USP47: variants seen among roughly 807,000 people sequenced by gnomAD.
USP47 encodes the protein ubiquitin specific peptidase 47.
In USP47, 35 loss-of-function variants were observed where a neutral mutation model predicts 165.1. That is an observed-to-expected ratio of 0.21 (90% CI 0.16 to 0.28). The LOEUF is 0.28. Ranked by LOEUF, USP47 falls within the 10% of genes least tolerant of loss-of-function variation. The pLI, the probability that USP47 is intolerant of heterozygous loss-of-function variation, is 1.00. For missense variants in USP47, 1,277 were observed against 1,607.4 expected, an observed-to-expected ratio of 0.79 and a Z score of 3.52; for synonymous variants, 531 against 544.5, an observed-to-expected ratio of 0.98 and a Z score of 0.35.
chr11:11,924,271 A>G (rs1854078305), intron 11 of USP47, among the ~76,000 whole-genome samples: 1 of 152,236 alleles, frequency 6.6e-6, no homozygotes, highest in South Asian at 2.1e-4. Context: ...AATTACATAG[A>G]TTGATTTTCA....
chr11:11,902,680 T>G (rs2134451243), intron 5 of USP47, 35 bp from the exon 6 acceptor site: 1 of 1,343,962 alleles, frequency 7.4e-7, no homozygotes, highest in South Asian at 1.9e-5. Flanking sequence ...ATAAAATCAT[T>G]TTATAAATAC....
intron 1 of USP47, among the ~76,000 whole-genome samples, chr11:11,864,105 A>G (rs781543307): frequency 6.6e-6 from 1 of 152,042 alleles, no homozygotes; most frequent in Non-Finnish European, 1.5e-5. Context: ...TTTTATATCT[A>G]TTTCTCTCTA....
In USP47 at chr11:11,956,136, T is replaced by A. The variant is rs773592365; in HGVS notation, c.4029T>A (p.Tyr1343Ter). 1 of 1,613,808 alleles carries A rather than the reference T, an allele frequency of 6.2e-7. No homozygotes were observed. Among genetic ancestry groups the A allele is most frequent in the African/African-American group, 1.3e-5 (1 of 74,904 alleles). ...GTAAAGAGAAAGCACTAAAAATATATCTGGATGGAGCACCAAATAAAGATC... is the reference window on the plus strand; with the variant it reads ...GTAAAGAGAAAGCACTAAAAATATAACTGGATGGAGCACCAAATAAAGATC... Reference protein sequence around the residue: ...SPRKEKALKIYLDGAPNKDLT... With the variant: ...SPRKEKALKI The change falls in exon 28 of 28, where the codon TAT (tyrosine) becomes TAA (stop). Residue 1343 changes from tyrosine (Y) to a stop codon, truncating the protein, a stop_gained. Coordinates refer to ENST00000527733, the MANE Select transcript of USP47 (RefSeq NM_001282659.2). LOFTEE classifies it high-confidence loss of function.
intron 8 of USP47, among the ~76,000 whole-genome samples, chr11:11,909,247 A>G (rs1852788966): frequency 2.6e-5 from 4 of 152,186 alleles, no homozygotes; most frequent in Non-Finnish European, 2.9e-5. Context: ...TGAAAAATTA[A>G]TATCAGCTGA....
intron 4 of USP47, 147 bp downstream of exon 4, chr11:11,892,253 G>C: frequency 1.3e-6 from 1 of 783,210 alleles, no homozygotes; most frequent in Non-Finnish European, 1.9e-6. Flanking sequence ...GTTAGAAGAA[G>C]TATGTGGTTT....
rs140937831 is a variant in USP47, at chr11:11,947,360, A to G, written c.3092-585A>G. Among the ~76,000 whole-genome samples the G allele has an allele frequency of 7.5e-3, 1,140 of 152,342 alleles. 19 individuals carry two copies. Among genetic ancestry groups the G allele is most frequent in the African/African-American group, 0.026 (1,095 of 41,576 alleles). ...ACAGCCCAACCACATGATAAATCAG[A>G]CATCTTAGTATGCCAGTCGTGACTT... On this transcript the variant is annotated intron_variant, in intron 20 of 27. Transcript: ENST00000527733.
intron 5 of USP47, among the ~76,000 whole-genome samples, chr11:11,900,232 C>T (rs1852124568): frequency 6.9e-6 from 1 of 145,108 alleles, no homozygotes; most frequent in South Asian, 2.2e-4. Flanking sequence ...GATCTCGGCT[C>T]ACTGCAGGCT....
intron 19 of USP47, among the ~76,000 whole-genome samples, chr11:11,940,807 C>T (rs563423285): frequency 3.0e-4 from 45 of 151,768 alleles, no homozygotes; most frequent in Middle Eastern, 3.4e-3. Context: ...TCCTCCTCTC[C>T]CTGCATTTTT....
intron 19 of USP47, 139 bp downstream of exon 19, chr11:11,940,687 C>A: frequency 1.1e-6 from 1 of 943,834 alleles, no homozygotes; most frequent in Non-Finnish European, 1.5e-6. Context: ...CCAGTAATTA[C>A]CTTCCTTTGT....
chr11:11,953,713 G>A (rs899535238), intron 25 of USP47, among the ~76,000 whole-genome samples: 2 of 152,154 alleles, frequency 1.3e-5, no homozygotes, highest in Non-Finnish European at 2.9e-5. Flanking sequence ...TTTTAAGAAA[G>A]ACAGCATGAA....
intron 23 of USP47, 58 bp downstream of exon 23, chr11:11,950,062 T>G (rs1314118209): frequency 3.2e-6 from 4 of 1,245,322 alleles, no homozygotes; most frequent in South Asian, 1.3e-5. Context: ...TCAGTTGAAA[T>G]GGACTGGTAT....
chr11:11,856,743 AC>A (rs1849064150), intron 1 of USP47: 1 of 152,254 alleles, frequency 6.6e-6, no homozygotes, highest in South Asian at 2.1e-4. Flanking sequence ...GAGCCACAGT[AC>A]AAGGCTTATA....
At chr11:11,925,275 T>G (rs576733650) in intron 11 of USP47, among the ~76,000 whole-genome samples, 1 of 151,976 alleles carries the variant, frequency 6.6e-6, no homozygotes, top group Non-Finnish European at 1.5e-5. Context: ...GCCCAGCTAA[T>G]TTTTTTGTAT....
At chr11:11,927,438 G>A (rs182907781) in intron 11 of USP47, among the ~76,000 whole-genome samples, 4 of 152,198 alleles carry the variant, frequency 2.6e-5, no homozygotes, top group Admixed American at 2.0e-4. Flanking sequence ...TACATATTAT[G>A]TATGTCTGGT....
intron 14 of USP47, 30 bp from the exon 15 acceptor site, chr11:11,932,974 A>G (rs1422400192): frequency 1.3e-6 from 2 of 1,568,364 alleles, no homozygotes; most frequent in Admixed American, 3.4e-5. Flanking sequence ...TTTCAGTGAC[A>G]CTGTCTTATC....
intron 19 of USP47, among the ~76,000 whole-genome samples, chr11:11,941,627 G>A (rs192690789): frequency 1.4e-4 from 21 of 151,792 alleles, no homozygotes; most frequent in Admixed American, 3.3e-4. Flanking sequence ...CACCTACTTC[G>A]CCCAGATTAT....
At chr11:11,895,585 G>A (rs1331215073) in intron 4 of USP47, among the ~76,000 whole-genome samples, 2 of 152,114 alleles carry the variant, frequency 1.3e-5, no homozygotes, top group African/African-American at 4.8e-5. Flanking sequence ...AATGGGTTTG[G>A]GTACTCAACA....
chr11:11,943,020 A>C lies in USP47; in HGVS notation c.2999A>C (p.Asp1000Ala). Residue 1000 changes from aspartate (D) to alanine (A), a missense_variant, in exon 20 of 28, where the codon GAT (aspartate) becomes GCT (alanine). This residue lies in a region of USP47 where 909 missense variants were observed against 1,068.1 expected (regional missense o/e 0.85). Transcript: ENST00000527733. ...GACTCTGGAACTGATAGTGAATATG[A>C]TGAGAGTGGCAAGAGTAGGGGAGAA... Reference protein sequence around the residue: ...EEDSGTDSEYDESGKSRGEMQ... With the variant: ...EEDSGTDSEYAESGKSRGEMQ... 19 of 1,613,562 alleles carry C rather than the reference A, an allele frequency of 1.2e-5. No homozygotes were observed. The highest frequency in any genetic ancestry group is 1.6e-5 in the Non-Finnish European group (19 of 1,179,630).
At chr11:11,870,777 CTT>C (rs959641298) in intron 1 of USP47, among the ~76,000 whole-genome samples, 1 of 152,150 alleles carries the variant, frequency 6.6e-6, no homozygotes, top group African/African-American at 2.4e-5. Context: ...TTTTTCCTCT[CTT>C]TGTTTTAATT....
Sources: allele counts gnomAD v4.1 joint callset (sites outside exome capture counted in the v4.1 genomes callset), GRCh38; gene constraint gnomAD v4.1.1; regional missense constraint gnomAD v4.1.1; transcripts MANE v1.5; gene names NCBI Gene and HGNC (gene_info 2026-07-23, HGNC 2026-07-21).